Variants in ROR1 observed in about 807,000 individuals in gnomAD.
ROR1 encodes the protein inactive tyrosine-protein kinase transmembrane receptor ROR1.
In ROR1, 19 loss-of-function variants were observed where a neutral mutation model predicts 78.8. The ratio of observed to expected loss-of-function variants is 0.24; its 90% CI spans 0.17 to 0.35. The LOEUF (loss-of-function observed/expected upper bound fraction) is 0.35. ROR1 is among the 10% of genes least tolerant of loss of function. The pLI is 1.00. For missense variants in ROR1, 917 were observed against 1,177.8 expected (o/e 0.78, Z 3.24); for synonymous variants, 386 against 433.6 (o/e 0.89, Z 1.36).
At chr1:64,084,285 G>A (rs563515511) in intron 4 of ROR1, among the ~76,000 whole-genome samples, 2 of 152,252 alleles carry the variant, frequency 1.3e-5, no homozygotes, top group Admixed American at 1.3e-4. Flanking sequence ...TGAAGCAAAC[G>A]TTCTGGATAC....
chr1:64,121,094 T>A (rs1228948793), intron 4 of ROR1, among the ~76,000 whole-genome samples: 3 of 86,112 alleles, frequency 3.5e-5, no homozygotes, highest in Non-Finnish European at 7.7e-5. Context: ...TTTTTTTTTT[T>A]TTTTGCTCAG....
chr1:63,872,846 CT>C (rs1332979765), intron 1 of ROR1, among the ~76,000 whole-genome samples: 1 of 151,146 alleles, frequency 6.6e-6, no homozygotes, highest in Non-Finnish European at 1.5e-5. Context: ...TCTTCATAGA[CT>C]TTGTTAGTCA....
intron 4 of ROR1, among the ~76,000 whole-genome samples, chr1:64,087,006 C>A (rs12025968): frequency 0.32 from 48,975 of 152,056 alleles, 9,672 homozygotes; most frequent in East Asian, 0.58. Context: ...TTTCTGTATA[C>A]CATGTACTTG....
chr1:64,151,956 G>C (rs576473991), intron 7 of ROR1, among the ~76,000 whole-genome samples: 1 of 151,968 alleles, frequency 6.6e-6, no homozygotes, highest in Non-Finnish European at 1.5e-5. Context: ...AGAACCTTGG[G>C]AGCAACCATA....
At chr1:63,954,095 A>G (rs1029060559) in intron 1 of ROR1, among the ~76,000 whole-genome samples, 2 of 152,216 alleles carry the variant, frequency 1.3e-5, no homozygotes, top group East Asian at 1.9e-4. Flanking sequence ...CTTGGTTGCT[A>G]TAACAAAGAC....
At chr1:63,883,600 A>G (rs552881543) in intron 1 of ROR1, among the ~76,000 whole-genome samples, 4 of 152,308 alleles carry the variant, frequency 2.6e-5, no homozygotes, top group African/African-American at 9.6e-5. Flanking sequence ...ACTGGGTGAA[A>G]TGAGCTGGCC....
intron 1 of ROR1, among the ~76,000 whole-genome samples, chr1:63,923,845 C>A (rs544085640): frequency 7.2e-5 from 11 of 151,990 alleles, no homozygotes; most frequent in Non-Finnish European, 7.4e-5. Flanking sequence ...GGATGCCCCT[C>A]GATACCCAGC....
In ROR1 at chr1:64,118,720, G is replaced by A. The variant is rs114952346; in HGVS notation, c.483-18649G>A. On this transcript the variant is annotated intron_variant, in intron 4 of 8. Coordinates refer to ENST00000371079, the MANE Select transcript of ROR1 (RefSeq NM_005012.4). ...GATGCTCAGATCAAGGGGAAAATGA[G>A]GAGGCTTTTTAGGCCTCGGTAAATC... is the stretch of plus-strand genomic sequence containing the variant. 4.0e-3 allele frequency among the ~76,000 whole-genome samples: 608 copies of A among 151,544 alleles called. 6 individuals carry two copies. Among genetic ancestry groups the A allele is most frequent in the African/African-American group, 0.014 (573 of 41,242 alleles).
At chr1:63,810,498 C>G (rs914044766) in intron 1 of ROR1, among the ~76,000 whole-genome samples, 1 of 152,162 alleles carries the variant, frequency 6.6e-6, no homozygotes, top group Non-Finnish European at 1.5e-5. Context: ...GGGAAACACA[C>G]ATGTAATCTA....
At chr1:63,799,318 G>A (rs1557502269) in intron 1 of ROR1, among the ~76,000 whole-genome samples, 1 of 152,144 alleles carries the variant, frequency 6.6e-6, no homozygotes, top group Admixed American at 6.5e-5. Flanking sequence ...GTGGATCAAA[G>A]CTCATCATGA....
At chr1:63,917,037 TCCTTAAGTCAACATTA>T (rs1645614295) in intron 1 of ROR1, among the ~76,000 whole-genome samples, 1 of 152,156 alleles carries the variant, frequency 6.6e-6, no homozygotes, top group Admixed American at 6.5e-5. Context: ...AATTCTTCTT[TCCTTAAGTCAACATTA>T]CATATTATTT....
At chr1:63,967,933 T>C (rs905131711) in intron 1 of ROR1, among the ~76,000 whole-genome samples, 2 of 152,242 alleles carry the variant, frequency 1.3e-5, no homozygotes, top group Admixed American at 1.3e-4. Flanking sequence ...ACATGTTTTT[T>C]ATCCTGGAAA....
chr1:64,038,482 T>C (rs886834310), intron 2 of ROR1, among the ~76,000 whole-genome samples: 1 of 152,176 alleles, frequency 6.6e-6, no homozygotes, highest in Non-Finnish European at 1.5e-5. Flanking sequence ...TCTGCTTTCC[T>C]TCCAGATCTT....
intron 1 of ROR1, among the ~76,000 whole-genome samples, chr1:63,858,093 G>C (rs1326379553): frequency 6.6e-6 from 1 of 152,174 alleles, no homozygotes; most frequent in African/African-American, 2.4e-5. Flanking sequence ...GTTGAATTGT[G>C]CTGAGTGGTT....
intron 2 of ROR1, 112 bp downstream of exon 2, chr1:64,009,488 G>A (rs999185058): frequency 1.4e-6 from 1 of 740,716 alleles, no homozygotes. Flanking sequence ...CAAGGAGGTG[G>A]GGGCCAAAAT....
intron 1 of ROR1, among the ~76,000 whole-genome samples, chr1:63,878,222 G>T (rs1227108440): frequency 6.6e-6 from 1 of 152,158 alleles, no homozygotes; most frequent in Non-Finnish European, 1.5e-5. Context: ...GACCAGGGAG[G>T]TGAAGGGCCT....
At chr1:63,824,496 G>A (rs187533664) in intron 1 of ROR1, among the ~76,000 whole-genome samples, 1 of 152,216 alleles carries the variant, frequency 6.6e-6, no homozygotes, top group East Asian at 1.9e-4. Flanking sequence ...TAGACAGTGA[G>A]CTGGATTTGG....
chr1:63,930,082 A>C (rs547843644), intron 1 of ROR1, among the ~76,000 whole-genome samples: 1 of 152,118 alleles, frequency 6.6e-6, no homozygotes, highest in Non-Finnish European at 1.5e-5. Flanking sequence ...CGTCATCTAC[A>C]TTAGATATTT....
At chr1:63,782,373 G>A (rs1428544578) in intron 1 of ROR1, among the ~76,000 whole-genome samples, 1 of 152,108 alleles carries the variant, frequency 6.6e-6, no homozygotes, top group African/African-American at 2.4e-5. Flanking sequence ...AGGCAGAATC[G>A]GTATGATCCT....
Sources: allele counts gnomAD v4.1 joint callset (sites outside exome capture counted in the v4.1 genomes callset), GRCh38; gene constraint gnomAD v4.1.1; transcripts MANE v1.5; gene names NCBI Gene and HGNC (gene_info 2026-07-23, HGNC 2026-07-21).